The following ADGRG6 variants were observed in gnomAD, a reference collection of about 807,000 sequenced individuals.
The protein encoded by ADGRG6 is G-protein coupled receptor 126.
ADGRG6 carries 84 observed loss-of-function variants against 142.4 expected under a neutral mutation model. The ratio of observed to expected loss-of-function variants is 0.59; its 90% CI spans 0.49 to 0.71. The LOEUF is 0.71. Ranked by LOEUF, ADGRG6 falls within the 30% of genes least tolerant of loss-of-function variation. The pLI, the probability that ADGRG6 is intolerant of heterozygous loss-of-function variation, is 0.00. For synonymous variants in ADGRG6, 521 were observed against 520.5 expected (o/e 1.00, Z -0.01); for missense variants, 1,367 against 1,466.6 (o/e 0.93, Z 1.11).
intron 22 of ADGRG6, among the ~76,000 whole-genome samples, chr6:142,433,520 C>T (rs1371503428): frequency 2.6e-5 from 4 of 152,068 alleles, no homozygotes; most frequent in African/African-American, 4.8e-5. Context: ...ATATCTATTC[C>T]GTACTTCCTG....
At chr6:142,318,157 TATA>T (rs1778274203) in intron 2 of ADGRG6, among the ~76,000 whole-genome samples, 11 of 1,070 alleles carry the variant, frequency 0.01, 2 homozygotes, top group Middle Eastern at 0.5. Context: ...TATTATATAT[TATA>T]TATATTATAT....
Position 142,302,023 on chromosome 6 carries a change from C to G in ADGRG6, c.-307C>G. The G allele has an allele frequency of 2.1e-6, 1 of 482,258 alleles. No homozygotes were observed. The allele number at this position is 482,258 out of a possible 1,614,324, so 29.9% of individuals were successfully genotyped here. A position where few individuals can be genotyped will look rare whatever the true frequency, so the allele number is the denominator to read the frequency against. ...CTGCCTGGCCCGGTCTCCTCAGCAC[C>G]AGCCCCACGCACACCCTACTTCCTC... is the stretch of plus-strand genomic sequence containing the variant. On this transcript the variant is annotated 5_prime_UTR_variant, in exon 1 of 25. Transcript: ENST00000367609.
intron 2 of ADGRG6, among the ~76,000 whole-genome samples, chr6:142,311,785 G>C (rs1474967264): frequency 1.3e-5 from 2 of 151,866 alleles, no homozygotes; most frequent in Non-Finnish European, 2.9e-5. Context: ...TTGAGTTGCT[G>C]ATCCTCATCT....
intron 2 of ADGRG6, among the ~76,000 whole-genome samples, chr6:142,357,863 CAGTA>C (rs1358454512): frequency 2.0e-5 from 3 of 152,124 alleles, no homozygotes; most frequent in African/African-American, 7.2e-5. Context: ...AGTAGGGGCT[CAGTA>C]AGTTAGATTA....
intron 22 of ADGRG6, among the ~76,000 whole-genome samples, chr6:142,426,900 G>C (rs1423885982): frequency 5.3e-5 from 8 of 152,118 alleles, no homozygotes; most frequent in Admixed American, 5.2e-4. Flanking sequence ...ACTCTTAGTG[G>C]CAGCTGGATC....
intron 1 of ADGRG6, among the ~76,000 whole-genome samples, chr6:142,302,890 C>T (rs766830459): frequency 2.2e-4 from 33 of 152,082 alleles, no homozygotes; most frequent in Non-Finnish European, 4.4e-4. Flanking sequence ...TTAAGGGTTA[C>T]GCCACGTTAC....
intron 6 of ADGRG6, among the ~76,000 whole-genome samples, chr6:142,388,590 T>A (rs535208026): frequency 6.6e-6 from 1 of 152,078 alleles, no homozygotes; most frequent in Admixed American, 6.5e-5. Context: ...GAACCCACCT[T>A]AAACACGTTC....
At chr6:142,341,644 A>ATATAGTATATATAATATATAATATATATT (rs1562324247) in intron 2 of ADGRG6, among the ~76,000 whole-genome samples, 5 of 131,978 alleles carry the variant, frequency 3.8e-5, no homozygotes, top group African/African-American at 1.4e-4. Context: ...TAATATATAT[A>ATATAGTATATATAATATATAATATATATT]ATATATACTA....
intron 1 of ADGRG6, among the ~76,000 whole-genome samples, chr6:142,303,598 A>T (rs1285021770): frequency 6.6e-6 from 1 of 152,184 alleles, no homozygotes; most frequent in Admixed American, 6.5e-5. Flanking sequence ...TTATTTTGGG[A>T]TACAGCCAGC....
chr6:142,304,670 CAG>C (rs1472425213), intron 1 of ADGRG6, among the ~76,000 whole-genome samples: 52 of 152,270 alleles, frequency 3.4e-4, no homozygotes, highest in African/African-American at 1.3e-3. Flanking sequence ...ATATATCTTA[CAG>C]AGTTTACGTT....
chr6:142,345,621 G>A (rs1315231357), intron 2 of ADGRG6, among the ~76,000 whole-genome samples: 2 of 152,084 alleles, frequency 1.3e-5, no homozygotes, highest in African/African-American at 4.8e-5. Flanking sequence ...CTAACAGCAT[G>A]TAGTGAATAT....
intron 16 of ADGRG6, among the ~76,000 whole-genome samples, 190 bp downstream of exon 16, chr6:142,408,459 T>C (rs1382757186): frequency 1.3e-5 from 2 of 152,118 alleles, no homozygotes; most frequent in Non-Finnish European, 2.9e-5. Flanking sequence ...CTGGAGAGGT[T>C]AGTCTTATCT....
intron 2 of ADGRG6, among the ~76,000 whole-genome samples, chr6:142,313,073 G>C (rs947316997): frequency 6.6e-6 from 1 of 152,010 alleles, no homozygotes; most frequent in South Asian, 2.1e-4. Flanking sequence ...TGGAGAAACA[G>C]GAGGGATGAC....
chr6:142,397,274 A>T (rs143423399), intron 9 of ADGRG6, among the ~76,000 whole-genome samples: 6,167 of 152,118 alleles, frequency 0.041, 267 homozygotes, highest in Middle Eastern at 0.11. Flanking sequence ...CAAAGAAAAA[A>T]TGTAGAATTA....
rs79639735 is a variant in ADGRG6, at chr6:142,309,904, G to A, written c.103+260G>A. On this transcript the variant is annotated intron_variant, in intron 2 of 24. Coordinates refer to ENST00000367609, the MANE Select transcript of ADGRG6 (RefSeq NM_198569.3). ...TCTTTGTTGTCTTTTATTTATTTAC[G>A]TAGCCCATATTGAGTGATGAGATAA... 2.3e-3 allele frequency among the ~76,000 whole-genome samples: 353 copies of A among 151,194 alleles called. 1 individual carries two copies. Among genetic ancestry groups the A allele is most frequent in the African/African-American group, 7.8e-3 (322 of 41,294 alleles).
At chr6:142,393,272 AAT>A (rs1199553761) in intron 8 of ADGRG6, among the ~76,000 whole-genome samples, 1 of 152,114 alleles carries the variant, frequency 6.6e-6, no homozygotes, top group African/African-American at 2.4e-5. Context: ...CGGATAATTA[AAT>A]ATAAATAGAA....
intron 22 of ADGRG6, among the ~76,000 whole-genome samples, chr6:142,430,132 C>T (rs1458724761): frequency 6.6e-6 from 1 of 152,180 alleles, no homozygotes; most frequent in South Asian, 2.1e-4. Context: ...CCAGTCATTA[C>T]TACCCACTCT....
At chr6:142,387,239 C>T (rs1025507933) in intron 6 of ADGRG6, among the ~76,000 whole-genome samples, 3 of 152,184 alleles carry the variant, frequency 2.0e-5, no homozygotes, top group Non-Finnish European at 4.4e-5. Context: ...ATCATATCTT[C>T]TCTGCTCAAA....
intron 2 of ADGRG6, among the ~76,000 whole-genome samples, chr6:142,325,732 AAATG>A (rs1745878889): frequency 6.6e-6 from 1 of 152,116 alleles, no homozygotes; most frequent in Admixed American, 6.6e-5. Context: ...GCTTCCATTT[AAATG>A]AATATTTGTA....
Sources: gnomAD v4.1 joint callset for allele counts (sites outside exome capture counted in the v4.1 genomes callset) on GRCh38, gnomAD v4.1.1 for gene constraint, MANE v1.5 for transcripts, NCBI Gene and HGNC (gene_info 2026-07-23, HGNC 2026-07-21) for gene names.